CD109: variants seen among roughly 807,000 people sequenced by gnomAD.
The protein encoded by CD109 is CD109 antigen.
A neutral mutation model predicts 165.8 loss-of-function variants in CD109; 149 were observed. The ratio of observed to expected loss-of-function variants is 0.90; its 90% CI spans 0.79 to 1.03. CD109 has a LOEUF of 1.03. Ranked by LOEUF, CD109 falls within the 50% of genes least tolerant of loss-of-function variation. The pLI, the probability that CD109 is intolerant of heterozygous loss-of-function variation, is 0.00. For synonymous variants in CD109, 585 were observed against 592.1 expected (o/e 0.99, Z 0.18); for missense variants, 1,712 against 1,677.8 (o/e 1.02, Z -0.36).
rs201727245 is a variant in CD109 at position 73,812,255 on chromosome 6, A to G, written c.3753A>G (p.Gly1251=). ...TAVNISANGF[G]FAICQLNVVY... ...TTAATATTTCCGCAAATGGTTTTGG[A>G]TTTGCTATTTGTCAGGTATGTAACG... The change falls in exon 29 of 33, where the codon GGA becomes GGG. Residue 1251 remains glycine (G), a synonymous_variant. Coordinates refer to ENST00000287097, the MANE Select transcript of CD109 (RefSeq NM_133493.5). The G allele has an allele frequency of 3.7e-5, 59 of 1,607,292 alleles. No homozygotes were observed. The highest frequency in any genetic ancestry group is 1.6e-4 in the Middle Eastern group (1 of 6,062).
chr6:73,810,150 C>A lies in CD109; in HGVS notation c.3522C>A (p.Ser1174Arg). 6.2e-7 allele frequency: 1 copy of A among 1,601,762 alleles called. No individual in the cohort carries two copies. Among genetic ancestry groups the A allele is most frequent in the South Asian group, 1.1e-5 (1 of 89,144 alleles). ...GGTGGCTAAGCAGGCAAAGAAATAG[C>A]TTGGGTGGTTTTGCATCTACTCAGG... ...IMRWLSRQRN[S>R]LGGFASTQDT... The change falls in exon 27 of 33, where the codon AGC (serine) becomes AGA (arginine). Residue 1174 changes from serine to arginine, a missense_variant. Ser to Arg is a moderately radical substitution (Grantham distance 110). Transcript: ENST00000287097.
intron 23 of CD109, among the ~76,000 whole-genome samples, chr6:73,799,292 A>G (rs1447265822): frequency 1.3e-5 from 2 of 152,232 alleles, no homozygotes; most frequent in Non-Finnish European, 2.9e-5. Context: ...CATGTAGAAC[A>G]TTAACATGCT....
At chr6:73,771,353 G>A (rs4706554) in intron 14 of CD109, 76 bp from the exon 15 acceptor site, 544,458 of 1,152,598 alleles carry the variant, frequency 0.47, 130,455 homozygotes, top group African/African-American at 0.61. Context: ...CTATATTTTG[G>A]GCCAGTGGTC....
intron 5 of CD109, among the ~76,000 whole-genome samples, chr6:73,743,680 A>C (rs1772874055): frequency 6.6e-6 from 1 of 152,102 alleles, no homozygotes. Context: ...TCCCTAAAGC[A>C]CTCTACCAGG....
intron 2 of CD109, among the ~76,000 whole-genome samples, chr6:73,715,383 T>C (rs1771697235): frequency 6.6e-6 from 1 of 151,756 alleles, no homozygotes; most frequent in African/African-American, 2.4e-5. Flanking sequence ...GGCAACATAA[T>C]GAGCCCCCAT....
intron 2 of CD109, among the ~76,000 whole-genome samples, chr6:73,722,945 T>C (rs1195780134): frequency 1.3e-5 from 2 of 152,176 alleles, no homozygotes; most frequent in Admixed American, 6.5e-5. Flanking sequence ...CGTATAACCT[T>C]AAAATAGCAA....
In CD109 at chr6:73,823,537, T is replaced by G; in HGVS notation, c.4242T>G (p.Arg1414=). Residue 1414 remains arginine (R), a synonymous_variant, in exon 33 of 33, where the codon CGT becomes CGG. Coordinates refer to ENST00000287097, the MANE Select transcript of CD109 (RefSeq NM_133493.5). ...CDLCSDVQGC[R]PCEDGASGSH... ...TTTGCAGTGATGTCCAGGGCTGCCG[T>G]CCTTGTGAGGATGGAGCTTCAGGCT... 6.2e-7 allele frequency: 1 copy of G among 1,614,030 alleles called. No individual in the cohort carries two copies. Among genetic ancestry groups the G allele is most frequent in the Non-Finnish European group, 8.5e-7 (1 of 1,179,968 alleles).
intron 23 of CD109, 74 bp downstream of exon 23, chr6:73,792,876 A>G: frequency 9.2e-6 from 10 of 1,090,872 alleles, no homozygotes; most frequent in Non-Finnish European, 1.3e-5. Flanking sequence ...ATTCTAGACC[A>G]TATTTCAAAA....
chr6:73,808,107 A>G lies in CD109; in HGVS notation c.3214A>G (p.Ile1072Val), dbSNP rs776492471. Residue 1072 changes from isoleucine (I) to valine (V), a missense_variant, in exon 26 of 33, where the codon ATC becomes GTC. Physicochemically the swap from Ile to Val is conservative, Grantham distance 29 (BLOSUM62 3). Coordinates refer to ENST00000287097, the MANE Select transcript of CD109 (RefSeq NM_133493.5). ...YQPNIDVQESIHFLESEFSRG... is the reference protein window; with the variant it reads ...YQPNIDVQESVHFLESEFSRG... The stretch of plus-strand genomic sequence containing the variant: ...GCCTAACATTGATGTGCAAGAGTCT[A>G]TCCATTTTTTGGAGTCTGAATTCAG... The G allele has an allele frequency of 1.2e-6, 2 of 1,613,268 alleles. No homozygotes were observed. Among genetic ancestry groups the G allele is most frequent in the Middle Eastern group, 3.3e-4 (2 of 6,050 alleles).
At chr6:73,760,393 C>T (rs1320407104) in intron 7 of CD109, among the ~76,000 whole-genome samples, 9 of 100,352 alleles carry the variant, frequency 9.0e-5, no homozygotes, top group Non-Finnish European at 1.6e-4. Flanking sequence ...GGCTAAAGAG[C>T]GGGACCCCGT....
chr6:73,791,449 T>C (rs1353378574), intron 22 of CD109, among the ~76,000 whole-genome samples: 1 of 151,408 alleles, frequency 6.6e-6, no homozygotes, highest in African/African-American at 2.4e-5. Flanking sequence ...TGCTGGGACA[T>C]GCACTACACA....
rs1034755761 is a variant in CD109 at position 73,826,167 on chromosome 6, A to G, written c.*2534A>G. On this transcript the variant is annotated 3_prime_UTR_variant, in exon 33 of 33. Coordinates refer to ENST00000287097, the MANE Select transcript of CD109 (RefSeq NM_133493.5). ...TCCCTTAGAGAACTTGCTCTGCTAC[A>G]AGCAGTGGGCTTGGACTAAAAGTGA... 6.6e-6 allele frequency: 1 copy of G among 152,190 alleles called. No homozygotes were observed. The highest frequency in any genetic ancestry group is 1.5e-5 in the Non-Finnish European group (1 of 68,042). The allele number at this position is 152,190 out of a possible 1,614,324, so 9.4% of individuals were successfully genotyped here.
intron 23 of CD109, among the ~76,000 whole-genome samples, chr6:73,799,216 T>A (rs74450034): frequency 0.016 from 2,427 of 152,330 alleles, 27 homozygotes; most frequent in Non-Finnish European, 0.023. Flanking sequence ...TAAAACATGA[T>A]AAAATGAACT....
intron 22 of CD109, among the ~76,000 whole-genome samples, chr6:73,791,885 A>G (rs926199157): frequency 2.6e-5 from 4 of 151,876 alleles, no homozygotes; most frequent in Non-Finnish European, 5.9e-5. Context: ...TTCACTAGGT[A>G]TTTGGACTTG....
At chr6:73,709,844 A>G (rs1212523702) in intron 2 of CD109, among the ~76,000 whole-genome samples, 2 of 152,238 alleles carry the variant, frequency 1.3e-5, no homozygotes, top group Non-Finnish European at 2.9e-5. Flanking sequence ...CAAAAACCAC[A>G]TGATTATCTC....
rs767208067 is a variant in CD109, at chr6:73,780,453, A to T, written c.1857A>T (p.Thr619=). The change falls in exon 16 of 33, where the codon ACA becomes ACT. Residue 619 remains threonine, a synonymous_variant. Coordinates refer to ENST00000287097, the MANE Select transcript of CD109 (RefSeq NM_133493.5). ...TCCATGAGTTGGAACTTTATAACAC[A>T]GGATATTATTTAGGCATGTTCATGA... The part of the protein sequence containing the change: ...NVVHELELYN[T]GYYLGMFMNS... 1 of 1,608,660 alleles carries T rather than the reference A, an allele frequency of 6.2e-7. No homozygotes were observed. The highest frequency in any genetic ancestry group is 1.1e-5 in the South Asian group (1 of 90,774).
chr6:73,696,434 T>TGG, intron 1 of CD109, 145 bp downstream of exon 1: 5 of 603,774 alleles, frequency 8.3e-6, no homozygotes, highest in Non-Finnish European at 1.3e-5. Flanking sequence ...AGCCTGGTAC[T>TGG]GGCCTGGAGG....
chr6:73,801,459 G>A (rs991113288), intron 23 of CD109, among the ~76,000 whole-genome samples: 1 of 152,174 alleles, frequency 6.6e-6, no homozygotes, highest in Admixed American at 6.5e-5. Context: ...TTCAAATTAA[G>A]CAAAGTTTTG....
intron 2 of CD109, among the ~76,000 whole-genome samples, chr6:73,697,944 G>C (rs1444756866): frequency 6.6e-6 from 1 of 152,194 alleles, no homozygotes; most frequent in Non-Finnish European, 1.5e-5. Flanking sequence ...GGCAAGGGAG[G>C]CTGGGAAGTG....
Sources: gnomAD v4.1 joint callset for allele counts (sites outside exome capture counted in the v4.1 genomes callset) on GRCh38, gnomAD v4.1.1 for gene constraint, MANE v1.5 for transcripts, NCBI Gene and HGNC (gene_info 2026-07-23, HGNC 2026-07-21) for gene names.